The following CA10 variants were observed in gnomAD, a reference collection of about 807,000 sequenced individuals.
CA10 encodes the protein carbonic anhydrase-related protein 10.
Under a neutral mutation model 44.2 loss-of-function variants are expected in CA10, and 14 were observed. The ratio of observed to expected loss-of-function variants is 0.32; its 90% CI spans 0.21 to 0.50. The LOEUF (loss-of-function observed/expected upper bound fraction) is 0.50. CA10 is among the 20% of genes least tolerant of loss of function. The probability of loss-of-function intolerance (pLI) is 0.99; values close to 1 mark genes in which losing one functional copy is unlikely to be tolerated. For synonymous variants in CA10, 159 were observed against 141.6 expected (o/e 1.12, Z -0.87); for missense variants, 350 against 409.7 (o/e 0.85, Z 1.26).
At chr17:52,063,353 A>G (rs967189567) in intron 2 of CA10, among the ~76,000 whole-genome samples, 8 of 152,116 alleles carry the variant, frequency 5.3e-5, no homozygotes, top group African/African-American at 1.9e-4. Context: ...GACCATTGGG[A>G]TAGAATGATT....
chr17:51,780,612 A>T (rs1222822221), intron 3 of CA10, among the ~76,000 whole-genome samples: 1 of 152,252 alleles, frequency 6.6e-6, no homozygotes, highest in African/African-American at 2.4e-5. Context: ...ACCTAAATGA[A>T]CAACTGCAAT....
chr17:51,728,617 G>T (rs779901302), intron 4 of CA10, among the ~76,000 whole-genome samples: 2 of 152,182 alleles, frequency 1.3e-5, no homozygotes, highest in Non-Finnish European at 2.9e-5. Flanking sequence ...ACAGGGGAAA[G>T]TGCCCTTCTC....
chr17:51,689,027 C>A (rs1205400217), intron 4 of CA10, among the ~76,000 whole-genome samples: 1 of 152,132 alleles, frequency 6.6e-6, no homozygotes, highest in African/African-American at 2.4e-5. Context: ...CAGATTTAAG[C>A]ACGCAGTAGA....
intron 3 of CA10, among the ~76,000 whole-genome samples, chr17:51,916,616 C>A (rs569187289): frequency 3.2e-4 from 48 of 152,244 alleles, no homozygotes; most frequent in Non-Finnish European, 5.1e-4. Context: ...GCCTCCCCAG[C>A]CATGTGGAAC....
intron 6 of CA10, among the ~76,000 whole-genome samples, chr17:51,644,184 T>A (rs1913223790): frequency 6.6e-6 from 1 of 152,018 alleles, no homozygotes; most frequent in Non-Finnish European, 1.5e-5. Flanking sequence ...CTTTTTTTTT[T>A]TCCTGGTCAT....
At chr17:51,740,302 A>C (rs1251914509) in intron 4 of CA10, among the ~76,000 whole-genome samples, 1 of 152,202 alleles carries the variant, frequency 6.6e-6, no homozygotes. Flanking sequence ...ACTATACTGT[A>C]GGCTCCTTAC....
At chr17:51,975,349 C>T (rs1345164987) in intron 2 of CA10, among the ~76,000 whole-genome samples, 2 of 152,096 alleles carry the variant, frequency 1.3e-5, no homozygotes, top group Non-Finnish European at 2.9e-5. Flanking sequence ...CTAAATGGCC[C>T]ACTTAAAAGG....
chr17:51,843,782 G>A (rs1168897671), intron 3 of CA10, among the ~76,000 whole-genome samples: 1 of 152,156 alleles, frequency 6.6e-6, no homozygotes, highest in East Asian at 1.9e-4. Flanking sequence ...GCTGTAGAAA[G>A]AAGAGAAAAA....
At chr17:52,063,149 C>A (rs938317486) in intron 2 of CA10, among the ~76,000 whole-genome samples, 1 of 152,184 alleles carries the variant, frequency 6.6e-6, no homozygotes, top group Non-Finnish European at 1.5e-5. Context: ...CTGCTTACCC[C>A]TTTCTTTTGG....
intron 4 of CA10, among the ~76,000 whole-genome samples, chr17:51,716,825 GT>G (rs1389245798): frequency 6.6e-6 from 1 of 152,176 alleles, no homozygotes; most frequent in African/African-American, 2.4e-5. Context: ...TAGGAAATTG[GT>G]TTTTCATTCA....
chr17:51,929,662 C>T (rs1982571472), intron 3 of CA10, among the ~76,000 whole-genome samples: 2 of 149,984 alleles, frequency 1.3e-5, no homozygotes, highest in Non-Finnish European at 3.0e-5. Context: ...TTCTTAAATA[C>T]TGACCAGCGA....
At position 51,863,227 on chromosome 17, in the gene CA10, C is replaced by T. The variant is rs1598087793; in HGVS notation, c.279+67763G>A. ...CTACTACTGTTGTTGTTATCATCAT[C>T]GATTCCGATAGGACAAGGATGAATC... On this transcript the variant is annotated intron_variant, in intron 3 of 8. Transcript: ENST00000451037. 2.6e-5 allele frequency among the ~76,000 whole-genome samples: 4 copies of T among 152,314 alleles called. No homozygotes were observed. The South Asian group carries it at 8.3e-4, about 32-fold the overall frequency.
Position 52,086,342 on chromosome 17 carries a change from C to G in CA10, c.62-13949G>C, listed in dbSNP as rs1223610440. 2.0e-5 allele frequency among the ~76,000 whole-genome samples: 3 copies of G among 152,162 alleles called. No homozygotes were observed. In the East Asian group the frequency reaches 5.8e-4, roughly 29 times the overall value. On this transcript the variant is annotated intron_variant, in intron 1 of 8. Coordinates refer to ENST00000451037, the MANE Select transcript of CA10 (RefSeq NM_020178.5). ...TGGCATATAGCTCTCCAAGTCAGGG[C>G]CCAGGTTTCTTCTGTCCTGTGGCTC...
chr17:51,787,033 A>G (rs552080236), intron 3 of CA10, among the ~76,000 whole-genome samples: 20 of 152,318 alleles, frequency 1.3e-4, no homozygotes, highest in African/African-American at 3.4e-4. Context: ...TCACTTGGCC[A>G]TGATGTATGA....
intron 1 of CA10, among the ~76,000 whole-genome samples, chr17:52,119,949 T>C (rs1028850031): frequency 3.3e-5 from 5 of 152,072 alleles, no homozygotes; most frequent in Admixed American, 6.6e-5. Context: ...AAGAGATGAG[T>C]AATGTAAAAA....
At chr17:52,082,222 A>G (rs1988003071) in intron 1 of CA10, among the ~76,000 whole-genome samples, 1 of 152,340 alleles carries the variant, frequency 6.6e-6, no homozygotes, top group East Asian at 1.9e-4. Context: ...CAAGTTTTAT[A>G]GAAATATTCA....
chr17:51,708,772 G>A (rs897980319), intron 4 of CA10, among the ~76,000 whole-genome samples: 6 of 152,176 alleles, frequency 3.9e-5, no homozygotes, highest in East Asian at 1.9e-4. Context: ...TGAGTCTTCC[G>A]ATCCTCATCC....
chr17:51,803,593 A>T (rs966395659), intron 3 of CA10, among the ~76,000 whole-genome samples: 1 of 152,200 alleles, frequency 6.6e-6, no homozygotes, highest in Admixed American at 6.5e-5. Flanking sequence ...ACTACATTTT[A>T]GGAAAAGGAG....
upstream of CA10, among the ~76,000 whole-genome samples, chr17:52,158,948 A>C (rs896517202): frequency 6.6e-6 from 1 of 152,048 alleles, no homozygotes; most frequent in Admixed American, 6.5e-5. Context: ...GAGGAGGAGG[A>C]GGCTGGGTGT....
Sources: gnomAD v4.1 joint callset for allele counts (sites outside exome capture counted in the v4.1 genomes callset) on GRCh38, gnomAD v4.1.1 for gene constraint, MANE v1.5 for transcripts, NCBI Gene and HGNC (gene_info 2026-07-23, HGNC 2026-07-21) for gene names.